XPR1: variants seen among roughly 807,000 people sequenced by gnomAD.
The protein encoded by XPR1 is solute carrier family 53 member 1.
Under a neutral mutation model 87.5 loss-of-function variants are expected in XPR1, and 28 were observed. The ratio of observed to expected loss-of-function variants is 0.32; its 90% CI spans 0.24 to 0.44. The LOEUF (loss-of-function observed/expected upper bound fraction) is 0.44, where lower values mean the gene tolerates loss of function less well. XPR1 is among the 20% of genes least tolerant of loss of function. The pLI, the probability that XPR1 is intolerant of heterozygous loss-of-function variation, is 1.00. For missense variants in XPR1, 559 were observed against 862.3 expected, an observed-to-expected ratio of 0.65 and a Z score of 4.41; for synonymous variants, 300 against 306.1, an observed-to-expected ratio of 0.98 and a Z score of 0.21.
intron 7 of XPR1, among the ~76,000 whole-genome samples, chr1:180,818,199 G>T (rs1650482832): frequency 6.6e-6 from 1 of 151,858 alleles, no homozygotes. Context: ...TAATATTTGT[G>T]GTTCTTTTCC....
intron 2 of XPR1, among the ~76,000 whole-genome samples, chr1:180,768,065 C>T (rs1648360297): frequency 6.6e-6 from 1 of 152,086 alleles, no homozygotes; most frequent in African/African-American, 2.4e-5. Context: ...AGGATGGTCT[C>T]AATCTCCTGA....
At chr1:180,684,271 G>A (rs1326338047) in intron 2 of XPR1, among the ~76,000 whole-genome samples, 3 of 152,148 alleles carry the variant, frequency 2.0e-5, no homozygotes, top group Non-Finnish European at 4.4e-5. Context: ...AAGATCAGAT[G>A]GTTGTAGATA....
Position 180,769,202 on chromosome 1 carries a change from T to C in XPR1, c.122-18551T>C, listed in dbSNP as rs1648404590. On this transcript the variant is annotated intron_variant, in intron 2 of 14. Coordinates refer to ENST00000367590, the MANE Select transcript of XPR1 (RefSeq NM_004736.4). ...AGGGATGCAATGCATAGTAGTCACA[T>C]CATGGAGAATGAGGTATCCATCCCT... Among the ~76,000 whole-genome samples, 3 of 152,274 alleles carry C rather than the reference T, an allele frequency of 2.0e-5. No individual in the cohort carries two copies. In the South Asian group the frequency reaches 6.2e-4, roughly 32 times the overall value.
At chr1:180,863,297 G>A (rs1652278387) in intron 11 of XPR1, among the ~76,000 whole-genome samples, 1 of 152,052 alleles carries the variant, frequency 6.6e-6, no homozygotes, top group African/African-American at 2.4e-5. Flanking sequence ...AACAATCCAA[G>A]AATTTCTTGA....
Position 180,873,411 on chromosome 1 carries a change from TCTG to T in XPR1, c.1669-389_1669-387del, listed in dbSNP as rs1476324624. Among the ~76,000 whole-genome samples, 8 of 152,362 alleles carry T rather than the reference TCTG, an allele frequency of 5.3e-5. No homozygotes were observed. The East Asian group carries it at 1.5e-3, about 29-fold the overall frequency. ...AAGTACAAATAACACAGTGAATAAA[TCTG>T]CTAATCTTTTCTGATATTAGCTATT... On this transcript the variant is annotated intron_variant, in intron 12 of 14. Transcript: ENST00000367590.
chr1:180,855,685 G>T (rs925209568), intron 11 of XPR1, among the ~76,000 whole-genome samples: 6 of 150,872 alleles, frequency 4.0e-5, no homozygotes, highest in Non-Finnish European at 5.9e-5. Flanking sequence ...AAAGTGGGGG[G>T]AGGGGGGACG....
intron 7 of XPR1, among the ~76,000 whole-genome samples, chr1:180,814,718 A>C (rs1650338630): frequency 6.6e-6 from 1 of 152,190 alleles, no homozygotes; most frequent in Non-Finnish European, 1.5e-5. Context: ...AAAGCAATAT[A>C]CTGCAAGATA....
Position 180,632,148 on chromosome 1 carries a change from C to A in XPR1, c.-54C>A. ...TGGGGAGGAGTCGGAGTCGCTGTTG[C>A]CGCCGCCGCCTGTAGCTGCTGGACC... On this transcript the variant is annotated 5_prime_UTR_variant, in exon 1 of 15. Coordinates refer to ENST00000367590, the MANE Select transcript of XPR1 (RefSeq NM_004736.4). 3.8e-6 allele frequency: 6 copies of A among 1,563,248 alleles called. No homozygotes were observed. Among genetic ancestry groups the A allele is most frequent in the Non-Finnish European group, 4.3e-6 (5 of 1,152,066 alleles).
At chr1:180,733,875 A>G (rs377259149) in intron 2 of XPR1, among the ~76,000 whole-genome samples, 2 of 152,228 alleles carry the variant, frequency 1.3e-5, no homozygotes, top group South Asian at 4.1e-4. Flanking sequence ...TAACGTTAAT[A>G]ATAGCTGATA....
chr1:180,777,342 T>A (rs1342261876), intron 2 of XPR1, among the ~76,000 whole-genome samples: 1 of 152,240 alleles, frequency 6.6e-6, no homozygotes, highest in African/African-American at 2.4e-5. Context: ...CTGCTTAAAA[T>A]CCTTCAAAAA....
intron 1 of XPR1, among the ~76,000 whole-genome samples, chr1:180,634,187 A>G (rs563879162): frequency 7.9e-5 from 12 of 152,308 alleles, no homozygotes; most frequent in African/African-American, 2.9e-4. Context: ...CAGAGGGGCA[A>G]AATTCCTGAG....
intron 2 of XPR1, among the ~76,000 whole-genome samples, chr1:180,715,886 T>C: frequency 6.6e-6 from 1 of 152,158 alleles, no homozygotes; most frequent in East Asian, 1.9e-4. Flanking sequence ...TTGCTCACGC[T>C]GGTCTCCAAC....
At chr1:180,813,658 T>G (rs1363142533) in intron 7 of XPR1, among the ~76,000 whole-genome samples, 1 of 152,116 alleles carries the variant, frequency 6.6e-6, no homozygotes, top group Non-Finnish European at 1.5e-5. Context: ...AGAAAACACA[T>G]GCACAAACAG....
At chr1:180,695,781 A>G (rs10914070) in intron 2 of XPR1, among the ~76,000 whole-genome samples, 6,542 of 151,980 alleles carry the variant, frequency 0.043, 500 homozygotes, top group African/African-American at 0.15. Flanking sequence ...TTCTGTTCCA[A>G]TGGCCTGTGT....
intron 2 of XPR1, among the ~76,000 whole-genome samples, chr1:180,718,815 C>T (rs967498717): frequency 2.0e-5 from 3 of 151,974 alleles, no homozygotes; most frequent in African/African-American, 7.2e-5. Flanking sequence ...ATTACAGGTG[C>T]CCACCACCAC....
At chr1:180,707,998 T>C (rs1189464093) in intron 2 of XPR1, among the ~76,000 whole-genome samples, 1 of 152,216 alleles carries the variant, frequency 6.6e-6, no homozygotes, top group East Asian at 1.9e-4. Flanking sequence ...GTTGGAAATT[T>C]AAATAAAACA....
At chr1:180,679,224 A>T (rs998040030) in intron 1 of XPR1, among the ~76,000 whole-genome samples, 30 of 151,714 alleles carry the variant, frequency 2.0e-4, no homozygotes, top group African/African-American at 6.5e-4. Flanking sequence ...AAACAAAAAA[A>T]ACGGTGGGTT....
At chr1:180,812,250 A>C (rs1650244169) in intron 7 of XPR1, among the ~76,000 whole-genome samples, 1 of 152,176 alleles carries the variant, frequency 6.6e-6, no homozygotes, top group South Asian at 2.1e-4. Flanking sequence ...GTTAGGGTAT[A>C]GTGCTGGGCT....
chr1:180,710,652 C>T (rs1335214877), intron 2 of XPR1, among the ~76,000 whole-genome samples: 5 of 152,230 alleles, frequency 3.3e-5, no homozygotes, highest in Admixed American at 1.3e-4. Context: ...CCCCACATTT[C>T]CCCCCTTACT....
Sources: allele counts gnomAD v4.1 joint callset (sites outside exome capture counted in the v4.1 genomes callset), GRCh38; gene constraint gnomAD v4.1.1; transcripts MANE v1.5; gene names NCBI Gene and HGNC (gene_info 2026-07-23, HGNC 2026-07-21).